ZDHHC20: variants seen among roughly 807,000 people sequenced by gnomAD.
ZDHHC20 encodes the protein zDHHC palmitoyltransferase 20, also known as palmitoyltransferase ZDHHC20.
Under a neutral mutation model 57.8 loss-of-function variants are expected in ZDHHC20, and 43 were observed. The ratio of observed to expected loss-of-function variants is 0.74; its 90% CI spans 0.58 to 0.96. The LOEUF (loss-of-function observed/expected upper bound fraction) is 0.96. Among genes scored for constraint, ZDHHC20 ranks in the 40% least tolerant of loss-of-function variants. The pLI is 0.00. For missense variants in ZDHHC20, 391 were observed against 441.1 expected (o/e 0.89, Z 1.02); for synonymous variants, 157 against 153.0 (o/e 1.03, Z -0.19).
chr13:21,395,078 T>A (rs1456741149), intron 7 of ZDHHC20, among the ~76,000 whole-genome samples: 1 of 151,938 alleles, frequency 6.6e-6, no homozygotes, highest in African/African-American at 2.4e-5. Context: ...TCTTTTTTTT[T>A]TTTTTTGAGA....
At position 21,406,989 on chromosome 13, in the gene ZDHHC20, C is replaced by T. The variant is rs369495472; in HGVS notation, c.371-4123G>A. Reference sequence around the variant, plus strand: ...TCCACAATCGTTGAGCTAATTTACACTCCCACAAACAGTGTAAAAGTGTTT... The same window carrying T: ...TCCACAATCGTTGAGCTAATTTACATTCCCACAAACAGTGTAAAAGTGTTT... On this transcript the variant is annotated intron_variant, in intron 4 of 12. Coordinates refer to ENST00000400590, the MANE Select transcript of ZDHHC20 (RefSeq NM_001330059.2). Among the ~76,000 whole-genome samples the T allele has an allele frequency of 8.5e-5, 13 of 152,234 alleles. No homozygotes were observed. In the East Asian group the frequency reaches 2.1e-3, roughly 25 times the overall value.
intron 3 of ZDHHC20, among the ~76,000 whole-genome samples, chr13:21,419,051 C>T (rs1031725917): frequency 5.9e-5 from 9 of 152,092 alleles, no homozygotes; most frequent in African/African-American, 2.2e-4. Flanking sequence ...TTTCTTATTT[C>T]CTGAAATGAG....
chr13:21,400,872 G>A (rs549049866), intron 6 of ZDHHC20, among the ~76,000 whole-genome samples: 17 of 151,746 alleles, frequency 1.1e-4, no homozygotes, highest in African/African-American at 3.9e-4. Context: ...CACAACAGCC[G>A]GCTAATTTTT....
At chr13:21,449,089 G>A (rs9316379) in intron 1 of ZDHHC20, among the ~76,000 whole-genome samples, 4 of 131,678 alleles carry the variant, frequency 3.0e-5, no homozygotes, top group South Asian at 2.5e-4. Context: ...GCGGAAGGCC[G>A]CAGGGTCCTC....
intron 1 of ZDHHC20, among the ~76,000 whole-genome samples, chr13:21,451,015 A>G (rs1175906340): frequency 6.6e-6 from 1 of 152,216 alleles, no homozygotes; most frequent in Non-Finnish European, 1.5e-5. Flanking sequence ...GGGCTTCCCA[A>G]AGTACTGAAA....
intron 7 of ZDHHC20, among the ~76,000 whole-genome samples, chr13:21,394,143 C>T (rs1193151056): frequency 2.0e-5 from 3 of 152,200 alleles, no homozygotes; most frequent in South Asian, 2.1e-4. Context: ...CATTTCAATA[C>T]TCTCCAAGGC....
chr13:21,417,780 A>G (rs1431915068), intron 3 of ZDHHC20, among the ~76,000 whole-genome samples: 1 of 152,142 alleles, frequency 6.6e-6, no homozygotes, highest in African/African-American at 2.4e-5. Context: ...CCCTAGACCT[A>G]GATCTCCAAG....
At chr13:21,392,538 A>G (rs1197861249) in intron 7 of ZDHHC20, among the ~76,000 whole-genome samples, 1 of 152,198 alleles carries the variant, frequency 6.6e-6, no homozygotes, top group East Asian at 1.9e-4. Flanking sequence ...ATTTTGATAA[A>G]TAAATTTACC....
chr13:21,432,838 A>G (rs1375065304), intron 1 of ZDHHC20, among the ~76,000 whole-genome samples: 1 of 152,222 alleles, frequency 6.6e-6, no homozygotes, highest in African/African-American at 2.4e-5. Context: ...ATTTTTTTAC[A>G]TATGAATGGT....
intron 8 of ZDHHC20, chr13:21,390,186 C>T (rs915689750): frequency 3.3e-5 from 5 of 152,330 alleles, no homozygotes; most frequent in African/African-American, 9.6e-5. Context: ...CTGTTTCCCT[C>T]CAACTTACCT....
intron 3 of ZDHHC20, 146 bp from the exon 4 acceptor site, chr13:21,413,918 G>T: frequency 1.7e-6 from 1 of 587,880 alleles, no homozygotes; most frequent in Non-Finnish European, 2.9e-6. Context: ...GATAAATCAA[G>T]TACATTTTAA....
chr13:21,385,430 A>G (rs1469731651), intron 9 of ZDHHC20, among the ~76,000 whole-genome samples: 1 of 152,184 alleles, frequency 6.6e-6, no homozygotes, highest in East Asian at 1.9e-4. Flanking sequence ...CTCTGTCTCT[A>G]AATAAATAAA....
At chr13:21,376,853 C>A in intron 12 of ZDHHC20, 198 bp from the exon 13 acceptor site, 1 of 343,328 alleles carries the variant, frequency 2.9e-6, no homozygotes, top group Non-Finnish European at 5.3e-6. Context: ...TCCCCAGAAG[C>A]AATCAAAAGA....
chr13:21,442,945 G>T (rs1264339811), intron 1 of ZDHHC20, among the ~76,000 whole-genome samples: 1 of 152,128 alleles, frequency 6.6e-6, no homozygotes, highest in Non-Finnish European at 1.5e-5. Flanking sequence ...TATTGTTCAT[G>T]CTGAGTTACA....
At position 21,374,250 on chromosome 13, in the gene ZDHHC20, G is replaced by A. The variant is rs1232329444; in HGVS notation, c.*2446C>T. On this transcript the variant is annotated 3_prime_UTR_variant, in exon 13 of 13. Coordinates refer to ENST00000400590, the MANE Select transcript of ZDHHC20 (RefSeq NM_001330059.2). ...GATATATATATATATTTTTGAGATG[G>A]AGTTTCACTCGTCGCCCAGGCTGGA... The A allele has an allele frequency of 7.4e-6, 2 of 271,134 alleles. No individual in the cohort carries two copies. Among genetic ancestry groups the A allele is most frequent in the Non-Finnish European group, 7.8e-6 (1 of 128,224 alleles). 16.8% of individuals were successfully genotyped at this position (271,134 alleles called of 1,614,324 possible).
At chr13:21,388,634 A>G (rs1409071) in intron 8 of ZDHHC20, among the ~76,000 whole-genome samples, 77,381 of 152,052 alleles carry the variant, frequency 0.51, 20,253 homozygotes, top group Non-Finnish European at 0.58. Context: ...TGGAATAACC[A>G]TCTTGGGTAA....
chr13:21,382,963 G>A lies in ZDHHC20; in HGVS notation c.901C>T (p.Pro301Ser). 6.4e-7 allele frequency: 1 copy of A among 1,565,786 alleles called. No homozygotes were observed. The highest frequency in any genetic ancestry group is 8.7e-7 in the Non-Finnish European group (1 of 1,154,148). ...SFPTRLVGMD[P>S]EQASVTNQNE... The stretch of plus-strand genomic sequence containing the variant: ...TGGTTTGTAACAGAAGCTTGTTCTG[G>A]ATCCATCCCCACAAGGCGAGTTGGA... The change falls in exon 10 of 13, where the codon CCA becomes TCA. Residue 301 changes from proline to serine, a missense_variant. Pro to Ser is a moderately conservative substitution (Grantham distance 74). Coordinates refer to ENST00000400590, the MANE Select transcript of ZDHHC20 (RefSeq NM_001330059.2).
chr13:21,435,691 T>A (rs1411623489), intron 1 of ZDHHC20, among the ~76,000 whole-genome samples: 2 of 152,190 alleles, frequency 1.3e-5, no homozygotes, highest in Non-Finnish European at 2.9e-5. Flanking sequence ...AAAACCACCA[T>A]TTGGCAACCA....
chr13:21,443,343 T>A (rs1271420329), intron 1 of ZDHHC20, among the ~76,000 whole-genome samples: 1 of 152,178 alleles, frequency 6.6e-6, no homozygotes, highest in Non-Finnish European at 1.5e-5. Context: ...TTTCAGTATT[T>A]CCCACTCGGG....
Sources: allele counts gnomAD v4.1 joint callset (sites outside exome capture counted in the v4.1 genomes callset), GRCh38; gene constraint gnomAD v4.1.1; transcripts MANE v1.5; gene names NCBI Gene and HGNC (gene_info 2026-07-23, HGNC 2026-07-21).